Variants in ADGRL3 observed in about 807,000 individuals in gnomAD.
ADGRL3 encodes adhesion G protein-coupled receptor L3.
Under a neutral mutation model 153.5 loss-of-function variants are expected in ADGRL3, and 62 were observed. That is an observed-to-expected ratio of 0.40 (90% confidence interval 0.33 to 0.50). ADGRL3 has a LOEUF of 0.50. ADGRL3 is among the 20% of genes least tolerant of loss of function. The probability of loss-of-function intolerance (pLI) is 0.47; values close to 1 mark genes in which losing one functional copy is unlikely to be tolerated. For synonymous variants in ADGRL3, 710 were observed against 672.5 expected, an observed-to-expected ratio of 1.06 and a Z score of -0.86; for missense variants, 1,641 against 1,859.4, an observed-to-expected ratio of 0.88 and a Z score of 2.16.
intron 6 of ADGRL3, among the ~76,000 whole-genome samples, chr4:61,690,907 G>T (rs770733173): frequency 1.3e-5 from 2 of 152,076 alleles, no homozygotes; most frequent in Admixed American, 6.6e-5. Flanking sequence ...TATGACTGTG[G>T]ATATTATCAA....
chr4:61,748,849 A>C (rs1320009686), intron 8 of ADGRL3, among the ~76,000 whole-genome samples: 5 of 151,758 alleles, frequency 3.3e-5, no homozygotes, highest in African/African-American at 1.2e-4. Context: ...CAAAAGCCAA[A>C]ATTGACAAAT....
intron 8 of ADGRL3, among the ~76,000 whole-genome samples, chr4:61,762,295 C>A (rs2096922357): frequency 6.6e-6 from 1 of 152,168 alleles, no homozygotes; most frequent in East Asian, 1.9e-4. Flanking sequence ...ATAAATACAA[C>A]TTAAAGAAGG....
At chr4:61,399,271 T>C (rs1282581820) in intron 2 of ADGRL3, among the ~76,000 whole-genome samples, 4 of 151,718 alleles carry the variant, frequency 2.6e-5, no homozygotes. Flanking sequence ...GGAATGGAGA[T>C]GATTTTAAAA....
At chr4:61,272,194 C>T (rs2093223055) in intron 1 of ADGRL3, among the ~76,000 whole-genome samples, 1 of 151,802 alleles carries the variant, frequency 6.6e-6, no homozygotes, top group African/African-American at 2.4e-5. Flanking sequence ...AAGCAGTGCT[C>T]TGTAGTGCTT....
At chr4:61,291,588 A>G (rs373527863) in intron 1 of ADGRL3, among the ~76,000 whole-genome samples, 25 of 16,336 alleles carry the variant, frequency 1.5e-3, no homozygotes, top group Non-Finnish European at 3.1e-3. Flanking sequence ...ATATACATAT[A>G]TATATATATA....
intron 11 of ADGRL3, among the ~76,000 whole-genome samples, chr4:61,903,873 A>G (rs1320514177): frequency 6.6e-6 from 1 of 151,886 alleles, no homozygotes; most frequent in Non-Finnish European, 1.5e-5. Context: ...CTCGGGATGA[A>G]ACAATTCTCC....
chr4:61,369,659 A>C (rs1245443528), intron 1 of ADGRL3, among the ~76,000 whole-genome samples: 1 of 152,134 alleles, frequency 6.6e-6, no homozygotes. Context: ...TTTTTGCATC[A>C]ATGTTCATCA....
intron 4 of ADGRL3, among the ~76,000 whole-genome samples, chr4:61,532,250 T>C (rs938807119): frequency 7.2e-5 from 11 of 152,306 alleles, no homozygotes; most frequent in Admixed American, 5.9e-4. Context: ...GCTTTCTGCT[T>C]TATCTTCAAA....
At chr4:62,065,207 C>G (rs1742370219) in intron 25 of ADGRL3, among the ~76,000 whole-genome samples, 1 of 152,054 alleles carries the variant, frequency 6.6e-6, no homozygotes, top group African/African-American at 2.4e-5. Flanking sequence ...CTGTGGCAAT[C>G]CTTTAAATAC....
At chr4:61,643,920 G>A (rs2093821195) in intron 5 of ADGRL3, among the ~76,000 whole-genome samples, 1 of 142,092 alleles carries the variant, frequency 7.0e-6, no homozygotes, top group South Asian at 2.4e-4. Context: ...ATCTGGTCCT[G>A]GACTCTTTTT....
At chr4:61,343,664 A>C (rs113342126) in intron 1 of ADGRL3, among the ~76,000 whole-genome samples, 4 of 152,230 alleles carry the variant, frequency 2.6e-5, no homozygotes, top group African/African-American at 4.8e-5. Flanking sequence ...AAAGTTCCAC[A>C]GTCAAATGAG....
intron 2 of ADGRL3, chr4:61,427,602 C>T (rs2097298429): frequency 6.5e-6 from 1 of 152,792 alleles, no homozygotes; most frequent in Admixed American, 6.5e-5. Flanking sequence ...ACCCCCACGC[C>T]CTGGGGCCCC....
At chr4:61,403,879 C>T (rs1422575671) in intron 2 of ADGRL3, among the ~76,000 whole-genome samples, 1 of 152,012 alleles carries the variant, frequency 6.6e-6, no homozygotes, top group Non-Finnish European at 1.5e-5. Context: ...AATCCCCACA[C>T]ATTTGGTGAC....
At chr4:61,711,564 C>A (rs907186725) in intron 6 of ADGRL3, among the ~76,000 whole-genome samples, 2 of 144,558 alleles carry the variant, frequency 1.4e-5, no homozygotes, top group African/African-American at 2.6e-5. Context: ...CACATTACAT[C>A]TAATTGAGCA....
intron 6 of ADGRL3, among the ~76,000 whole-genome samples, chr4:61,691,862 C>T (rs2095545689): frequency 6.6e-6 from 1 of 151,988 alleles, no homozygotes; most frequent in Non-Finnish European, 1.5e-5. Context: ...TTTACAGAAA[C>T]TCAGATCTAA....
intron 5 of ADGRL3, among the ~76,000 whole-genome samples, chr4:61,604,767 G>A (rs1197698318): frequency 6.6e-6 from 1 of 152,098 alleles, no homozygotes; most frequent in Admixed American, 6.6e-5. Context: ...GTTTTTAGCA[G>A]TAATCAAATG....
At chr4:61,589,205 A>C (rs1325852873) in intron 5 of ADGRL3, among the ~76,000 whole-genome samples, 1 of 152,088 alleles carries the variant, frequency 6.6e-6, no homozygotes, top group African/African-American at 2.4e-5. Context: ...TGGTTTCACA[A>C]ATATGAGTTG....
At chr4:61,719,976 G>A (rs1191612399) in intron 6 of ADGRL3, among the ~76,000 whole-genome samples, 1 of 151,980 alleles carries the variant, frequency 6.6e-6, no homozygotes, top group Non-Finnish European at 1.5e-5. Context: ...TGCCTTGTAA[G>A]TCTGGAATGT....
chr4:61,771,832 G>A (rs1197409699), intron 8 of ADGRL3, among the ~76,000 whole-genome samples: 1 of 152,174 alleles, frequency 6.6e-6, no homozygotes, highest in African/African-American at 2.4e-5. Flanking sequence ...CAGAGAGGGT[G>A]CAAAAGAAGC....
Sources: gnomAD v4.1 joint callset for allele counts (sites outside exome capture counted in the v4.1 genomes callset) on GRCh38, gnomAD v4.1.1 for gene constraint, MANE v1.5 for transcripts, NCBI Gene and HGNC (gene_info 2026-07-23, HGNC 2026-07-21) for gene names.